The following SIN3A variants were observed in gnomAD, a reference collection of about 807,000 sequenced individuals.
The protein encoded by SIN3A is paired amphipathic helix protein Sin3a.
SIN3A carries 14 observed loss-of-function variants against 146.1 expected under a neutral mutation model. The observed-to-expected ratio is 0.10, with a 90% confidence interval of 0.06 to 0.15. SIN3A has a LOEUF of 0.15. SIN3A is among the 10% of genes least tolerant of loss of function. The pLI is 1.00. For missense variants in SIN3A, 1,028 were observed against 1,576.0 expected, an observed-to-expected ratio of 0.65 and a Z score of 5.89; for synonymous variants, 572 against 572.0, an observed-to-expected ratio of 1.00 and a Z score of 0.00.
intron 3 of SIN3A, chr15:75,419,251 C>T (rs542108979): frequency 6.6e-6 from 1 of 152,236 alleles, no homozygotes; most frequent in East Asian, 1.9e-4. Flanking sequence ...TCTGAACTTT[C>T]CATACTAAAA....
At chr15:75,378,055 A>C (rs1422829466) in intron 19 of SIN3A, among the ~76,000 whole-genome samples, 1 of 152,256 alleles carries the variant, frequency 6.6e-6, no homozygotes, top group Non-Finnish European at 1.5e-5. Context: ...AGCGATAGCG[A>C]TATTAAATCA....
intron 3 of SIN3A, 82 bp downstream of exon 3, chr15:75,422,565 T>C: frequency 6.8e-7 from 1 of 1,465,022 alleles, no homozygotes; most frequent in Non-Finnish European, 9.6e-7. Context: ...TTAGAAGTTG[T>C]ACCACCACAA....
chr15:75,375,619 G>C (rs375053575), intron 20 of SIN3A, 46 bp downstream of exon 20: 2 of 1,486,860 alleles, frequency 1.3e-6, no homozygotes, highest in Non-Finnish European at 1.9e-6. Flanking sequence ...CCTGGTCCTA[G>C]CTAGGGTGGG....
chr15:75,433,314 T>C (rs1213219370), intron 1 of SIN3A, among the ~76,000 whole-genome samples: 4 of 152,214 alleles, frequency 2.6e-5, no homozygotes, highest in Non-Finnish European at 5.9e-5. Flanking sequence ...AATGCTGGTT[T>C]ATGAACCAGT....
At chr15:75,397,660 T>C (rs1372033771) in intron 12 of SIN3A, among the ~76,000 whole-genome samples, 1 of 152,212 alleles carries the variant, frequency 6.6e-6, no homozygotes, top group Non-Finnish European at 1.5e-5. Context: ...CTAACCTATC[T>C]TGATTGGTAA....
chr15:75,415,561 A>G (rs1408329542), intron 3 of SIN3A: 1 of 191,580 alleles, frequency 5.2e-6, no homozygotes. Flanking sequence ...CAACCCTAAA[A>G]AGGATGCAGG....
intron 1 of SIN3A, among the ~76,000 whole-genome samples, chr15:75,435,935 G>A (rs2074100144): frequency 6.6e-6 from 1 of 151,926 alleles, no homozygotes; most frequent in Non-Finnish European, 1.5e-5. Flanking sequence ...GACCAGCCTG[G>A]GCAACAATGG....
At chr15:75,376,158 A>G in intron 19 of SIN3A, 1 of 480,292 alleles carries the variant, frequency 2.1e-6, no homozygotes, top group Non-Finnish European at 3.8e-6. Flanking sequence ...TTACACATGT[A>G]ATTACCAGCT....
chr15:75,452,941 G>C (rs945559872), upstream of SIN3A: 21 of 152,222 alleles, frequency 1.4e-4, no homozygotes, highest in African/African-American at 5.1e-4. Flanking sequence ...ACAGTGCCTC[G>C]AACACACAGT....
At chr15:75,404,275 CT>C (rs1192311624) in intron 9 of SIN3A, among the ~76,000 whole-genome samples, 1 of 152,154 alleles carries the variant, frequency 6.6e-6, no homozygotes, top group Non-Finnish European at 1.5e-5. Context: ...TTTACCTTTA[CT>C]TTTTATTAGC....
At chr15:75,393,951 G>A (rs1349927199) in intron 14 of SIN3A, among the ~76,000 whole-genome samples, 1 of 152,030 alleles carries the variant, frequency 6.6e-6, no homozygotes, top group African/African-American at 2.4e-5. Flanking sequence ...GGGACTACAG[G>A]TGCACACCAC....
intron 3 of SIN3A, chr15:75,422,281 C>G (rs2073852672): frequency 4.5e-6 from 2 of 441,478 alleles, no homozygotes; most frequent in Non-Finnish European, 8.0e-6. Context: ...AGATATATTA[C>G]TGGGCCAATT....
At chr15:75,410,704 A>T (rs1226381372) in intron 6 of SIN3A, among the ~76,000 whole-genome samples, 2 of 152,148 alleles carry the variant, frequency 1.3e-5, no homozygotes, top group East Asian at 1.9e-4. Context: ...ATAAATCACC[A>T]TCTAACTGTC....
At chr15:75,384,615 G>T (rs1192714147) in intron 16 of SIN3A, among the ~76,000 whole-genome samples, 178 bp from the exon 17 acceptor site, 1 of 152,106 alleles carries the variant, frequency 6.6e-6, no homozygotes, top group East Asian at 1.9e-4. Flanking sequence ...CATTTTCTTG[G>T]AGAATAATCA....
chr15:75,412,938 A>T lies in SIN3A; in HGVS notation c.581T>A (p.Val194Glu). 1 of 1,613,998 alleles carries T rather than the reference A, an allele frequency of 6.2e-7. No homozygotes were observed. The highest frequency in any genetic ancestry group is 8.5e-7 in the Non-Finnish European group (1 of 1,179,988). Residue 194 changes from valine to glutamate, a missense_variant, in exon 5 of 21, where the codon GTG becomes GAG. This residue lies in a region of SIN3A where 112 missense variants were observed against 135.7 expected (regional missense o/e 0.83). Coordinates refer to ENST00000394947, the MANE Select transcript of SIN3A (RefSeq NM_001145358.2). Reference protein sequence around the residue: ...TFLPPGYKIEVQTNDMVNVTT... With the variant: ...TFLPPGYKIEEQTNDMVNVTT... ...CACATTCACCATGTCATTGGTTTGC[A>T]CCTCAATTTTGTAGCCAGGGGGCAA...
intron 18 of SIN3A, 109 bp from the exon 19 acceptor site, chr15:75,380,832 T>C (rs2072950568): frequency 9.3e-6 from 7 of 752,358 alleles, no homozygotes. Context: ...ATTCATAAAT[T>C]TCAAGATCAA....
intron 9 of SIN3A, among the ~76,000 whole-genome samples, chr15:75,402,504 C>G (rs1286742430): frequency 2.6e-5 from 4 of 151,950 alleles, no homozygotes; most frequent in African/African-American, 9.6e-5. Flanking sequence ...GGTGACAGAG[C>G]AAGACTCTGT....
intron 15 of SIN3A, 26 bp downstream of exon 15, chr15:75,392,216 T>G (rs777831613): frequency 1.3e-6 from 2 of 1,599,576 alleles, no homozygotes; most frequent in Non-Finnish European, 1.7e-6. Flanking sequence ...ACACATCCTC[T>G]GTAAATCAGA....
At chr15:75,439,970 G>T (rs1408652305) in intron 1 of SIN3A, among the ~76,000 whole-genome samples, 1 of 151,352 alleles carries the variant, frequency 6.6e-6, no homozygotes, top group Non-Finnish European at 1.5e-5. Context: ...GGTCAACATG[G>T]TGAAACCCCG....
Sources: allele counts gnomAD v4.1 joint callset (sites outside exome capture counted in the v4.1 genomes callset), GRCh38; gene constraint gnomAD v4.1.1; regional missense constraint gnomAD v4.1.1; transcripts MANE v1.5; gene names NCBI Gene and HGNC (gene_info 2026-07-23, HGNC 2026-07-21).